The following HEPHL1 variants were observed in gnomAD, a reference collection of about 807,000 sequenced individuals.
HEPHL1 encodes the protein hephaestin like 1.
Under a neutral mutation model 122.0 loss-of-function variants are expected in HEPHL1, and 123 were observed. That is an observed-to-expected ratio of 1.01 (90% CI 0.87 to 1.17). The LOEUF is 1.17. Ranked by LOEUF, HEPHL1 falls within the 50% of genes most tolerant of loss-of-function variation. The pLI, the probability that HEPHL1 is intolerant of heterozygous loss-of-function variation, is 0.00. For synonymous variants in HEPHL1, 527 were observed against 508.9 expected (o/e 1.04, Z -0.48); for missense variants, 1,452 against 1,430.5 (o/e 1.01, Z -0.24).
At chr11:94,032,574 T>C (rs935139898) in intron 1 of HEPHL1, among the ~76,000 whole-genome samples, 53 of 152,182 alleles carry the variant, frequency 3.5e-4, no homozygotes, top group African/African-American at 1.2e-3. Flanking sequence ...TTGGGAGGCA[T>C]ACCCAGCAAA....
chr11:94,026,591 T>TA (rs1338821635), intron 1 of HEPHL1, among the ~76,000 whole-genome samples: 1 of 152,178 alleles, frequency 6.6e-6, no homozygotes, highest in African/African-American at 2.4e-5. Context: ...TCATTGACAG[T>TA]ATAATAAGTT....
rs766214615 is a variant in HEPHL1 at position 94,111,887 on chromosome 11, C to T, written c.3473C>T (p.Ala1158Val). 9 of 1,510,432 alleles carry T rather than the reference C, an allele frequency of 6.0e-6. No individual in the cohort carries two copies. Among genetic ancestry groups the T allele is most frequent in the East Asian group, 4.6e-5 (2 of 43,850 alleles). 93.6% of individuals were successfully genotyped at this position (1,510,432 alleles called of 1,614,324 possible). ...QVQSCALPTDAL is the reference protein window; with the variant it reads ...QVQSCALPTDVL ...CAGTCCTGTGCTCTCCCCACGGATG[C>T]TCTGTGAACCATCTGGTCTCCCTCA... The change falls in exon 20 of 20, where the codon GCT (alanine) becomes GTT (valine). Residue 1158 changes from alanine (A) to valine (V), a missense_variant. Physicochemically the swap from Ala to Val is moderately conservative, Grantham distance 64. Coordinates refer to ENST00000315765, the MANE Select transcript of HEPHL1 (RefSeq NM_001098672.2).
intron 2 of HEPHL1, among the ~76,000 whole-genome samples, chr11:94,062,486 C>T (rs1193178275): frequency 6.6e-6 from 1 of 152,144 alleles, no homozygotes; most frequent in Non-Finnish European, 1.5e-5. Flanking sequence ...CTGGCTCTTG[C>T]TGTGTTATTT....
intron 1 of HEPHL1, among the ~76,000 whole-genome samples, chr11:94,025,823 C>G (rs139651766): frequency 2.0e-5 from 3 of 152,278 alleles, no homozygotes; most frequent in African/African-American, 7.2e-5. Flanking sequence ...AGTGCATGGT[C>G]TAAACAAATG....
At chr11:94,049,945 T>A (rs1252130430) in intron 2 of HEPHL1, among the ~76,000 whole-genome samples, 1 of 152,186 alleles carries the variant, frequency 6.6e-6, no homozygotes, top group Non-Finnish European at 1.5e-5. Flanking sequence ...CCATGTGCAT[T>A]TAAAAACAAA....
intron 2 of HEPHL1, among the ~76,000 whole-genome samples, chr11:94,056,722 A>G (rs1327621471): frequency 6.6e-6 from 1 of 151,588 alleles, no homozygotes; most frequent in Non-Finnish European, 1.5e-5. Flanking sequence ...GCCCTTCTCT[A>G]AATAAACCCA....
intron 10 of HEPHL1, among the ~76,000 whole-genome samples, chr11:94,083,519 A>G (rs1398514104): frequency 6.6e-6 from 1 of 152,242 alleles, no homozygotes; most frequent in Admixed American, 6.5e-5. Context: ...AAGTGCCCGA[A>G]GCAAGTAACG....
At chr11:94,068,322 T>C (rs1393851030) in intron 5 of HEPHL1, among the ~76,000 whole-genome samples, 1 of 152,190 alleles carries the variant, frequency 6.6e-6, no homozygotes, top group Non-Finnish European at 1.5e-5. Flanking sequence ...TTTAATTTCG[T>C]TTTGAACATC....
At chr11:94,060,093 TA>T (rs369866058) in intron 2 of HEPHL1, among the ~76,000 whole-genome samples, 129,883 of 135,946 alleles carry the variant, frequency 0.96, 61,911 homozygotes, top group Non-Finnish European at 1. Context: ...CATATTTTAT[TA>T]TATATATATA....
At chr11:94,053,956 A>G (rs1945913314) in intron 2 of HEPHL1, among the ~76,000 whole-genome samples, 1 of 152,226 alleles carries the variant, frequency 6.6e-6, no homozygotes, top group South Asian at 2.1e-4. Context: ...CAGAGACATC[A>G]TTTAGGTATA....
chr11:94,103,614 T>C (rs1404026152), intron 15 of HEPHL1, among the ~76,000 whole-genome samples: 7 of 152,212 alleles, frequency 4.6e-5, no homozygotes, highest in Admixed American at 3.3e-4. Flanking sequence ...AGATTCAACA[T>C]TGAATTTGAG....
intron 2 of HEPHL1, among the ~76,000 whole-genome samples, chr11:94,059,735 A>G (rs541724792): frequency 1.9e-3 from 282 of 152,164 alleles, no homozygotes; most frequent in African/African-American, 6.5e-3. Context: ...TCCCAGTGAT[A>G]TTCTTCAACT....
At chr11:94,042,325 C>T (rs1213287230) in intron 1 of HEPHL1, among the ~76,000 whole-genome samples, 2 of 139,684 alleles carry the variant, frequency 1.4e-5, no homozygotes, top group African/African-American at 2.8e-5. Flanking sequence ...GGCGATTCCT[C>T]AGTGATCTAG....
At chr11:94,070,655 A>G in intron 6 of HEPHL1, 113 bp downstream of exon 6, 1 of 825,438 alleles carries the variant, frequency 1.2e-6, no homozygotes, top group East Asian at 2.7e-5. Flanking sequence ...TATACTGCAT[A>G]GATGGCATAA....
chr11:94,057,132 G>C (rs577354864), intron 2 of HEPHL1, among the ~76,000 whole-genome samples: 1 of 152,190 alleles, frequency 6.6e-6, no homozygotes. Flanking sequence ...TCATATTGAT[G>C]CTCCCTTGTA....
intron 1 of HEPHL1, among the ~76,000 whole-genome samples, chr11:94,037,203 G>A (rs1454565434): frequency 2.0e-5 from 3 of 152,206 alleles, no homozygotes; most frequent in African/African-American, 2.4e-5. Context: ...TCCCGCACCT[G>A]GCTCAGAGGG....
At chr11:94,101,118 A>G (rs1207699664) in intron 13 of HEPHL1, 77 bp from the exon 14 acceptor site, 2 of 1,490,436 alleles carry the variant, frequency 1.3e-6, no homozygotes, top group African/African-American at 1.4e-5. Context: ...TTATTTGACT[A>G]ACTACTGCCT....
At chr11:94,054,355 T>C (rs1190113099) in intron 2 of HEPHL1, among the ~76,000 whole-genome samples, 1 of 152,202 alleles carries the variant, frequency 6.6e-6, no homozygotes, top group African/African-American at 2.4e-5. Flanking sequence ...AGGGCTCCTC[T>C]TGCACTATCT....
chr11:94,111,964 C>G lies in HEPHL1; in HGVS notation c.*70C>G, dbSNP rs149011503. On this transcript the variant is annotated 3_prime_UTR_variant, in exon 20 of 20. Transcript: ENST00000315765. Reference sequence around the variant, plus strand: ...GGCCAGATGGCAGCCAACAGGGAAACTGGACCAAGGCATCACTCACCAAGG... The same window carrying G: ...GGCCAGATGGCAGCCAACAGGGAAAGTGGACCAAGGCATCACTCACCAAGG... 516 of 1,156,676 alleles carry G rather than the reference C, an allele frequency of 4.5e-4. 3 individuals carry two copies. In the African/African-American group the frequency reaches 6.8e-3, roughly 15 times the overall value. The allele number at this position is 1,156,676 out of a possible 1,614,324, so 71.7% of individuals were successfully genotyped here.
Sources: gnomAD v4.1 joint callset for allele counts (sites outside exome capture counted in the v4.1 genomes callset) on GRCh38, gnomAD v4.1.1 for gene constraint, MANE v1.5 for transcripts, NCBI Gene and HGNC (gene_info 2026-07-23, HGNC 2026-07-21) for gene names.